The following LRRC1 variants were observed in gnomAD, a reference collection of about 807,000 sequenced individuals.
The protein encoded by LRRC1 is leucine rich repeat containing 1.
A neutral mutation model predicts 69.9 loss-of-function variants in LRRC1; 28 were observed. That is an observed-to-expected ratio of 0.40 (90% CI 0.30 to 0.55). LRRC1 has a LOEUF of 0.55. Among genes scored for constraint, LRRC1 ranks in the 20% least tolerant of loss-of-function variants. The pLI is 0.47. For missense variants in LRRC1, 498 were observed against 609.0 expected (o/e 0.82, Z 1.92); for synonymous variants, 236 against 240.2 (o/e 0.98, Z 0.16).
At chr6:53,915,742 G>T (rs1768544407) in intron 11 of LRRC1, among the ~76,000 whole-genome samples, 2 of 152,176 alleles carry the variant, frequency 1.3e-5, no homozygotes, top group Non-Finnish European at 2.9e-5. Context: ...TTACATAGCT[G>T]TCATTTGAGT....
At chr6:53,910,305 C>T (rs79431058) in intron 10 of LRRC1, among the ~76,000 whole-genome samples, 4,314 of 152,182 alleles carry the variant, frequency 0.028, 90 homozygotes, top group Non-Finnish European at 0.043. Flanking sequence ...GTTATTTAAA[C>T]AGTGACTCTG....
At chr6:53,814,068 C>G (rs1170839797) in intron 1 of LRRC1, among the ~76,000 whole-genome samples, 1 of 152,154 alleles carries the variant, frequency 6.6e-6, no homozygotes, top group Non-Finnish European at 1.5e-5. Context: ...TTATTTACAG[C>G]ATTTTCTTCT....
chr6:53,810,846 A>G (rs1394837880), intron 1 of LRRC1, among the ~76,000 whole-genome samples: 1 of 152,114 alleles, frequency 6.6e-6, no homozygotes, highest in East Asian at 1.9e-4. Context: ...TCAGAATGCT[A>G]TTCTCCAATG....
rs1562065177 is a variant in LRRC1 at position 53,897,324 on chromosome 6, T to G, written c.607T>G (p.Trp203Gly). The change falls in exon 7 of 14, where the codon TGG becomes GGG. Residue 203 changes from tryptophan to glycine, a missense_variant. By Grantham distance (184) the Trp-to-Gly change is radical (BLOSUM62 -2). Transcript: ENST00000370888. ...AGCCCTCTTACATCTAAAAGATCTC[T>G]GGTTGGATGGAAATCAACTGTCAGA... ...IGALLHLKDL[W>G]LDGNQLSELP... 6.2e-7 allele frequency: 1 copy of G among 1,613,022 alleles called. No homozygotes were observed. Among genetic ancestry groups the G allele is most frequent in the Admixed American group, 1.7e-5 (1 of 60,004 alleles).
At chr6:53,812,412 C>T (rs928078891) in intron 1 of LRRC1, among the ~76,000 whole-genome samples, 53 of 152,016 alleles carry the variant, frequency 3.5e-4, no homozygotes, top group African/African-American at 4.8e-4. Flanking sequence ...AGAAAGAGGC[C>T]GGGCGCGGTG....
chr6:53,839,718 T>G (rs972038488), intron 1 of LRRC1, among the ~76,000 whole-genome samples: 1 of 152,208 alleles, frequency 6.6e-6, no homozygotes, highest in Non-Finnish European at 1.5e-5. Context: ...GTTTTACCAA[T>G]ATAGATATTA....
At chr6:53,917,342 A>C in intron 11 of LRRC1, among the ~76,000 whole-genome samples, 1 of 152,184 alleles carries the variant, frequency 6.6e-6, no homozygotes, top group East Asian at 1.9e-4. Flanking sequence ...GTGTGGACTC[A>C]GTCAGCAGCA....
intron 1 of LRRC1, among the ~76,000 whole-genome samples, chr6:53,833,969 A>G (rs1765536561): frequency 6.6e-6 from 1 of 152,206 alleles, no homozygotes; most frequent in African/African-American, 2.4e-5. Flanking sequence ...ATTGTTCAGC[A>G]TTAGTAAAAT....
chr6:53,904,419 A>C lies in LRRC1; in HGVS notation c.947A>C (p.Asn316Thr). The part of the protein sequence containing the change: ...KSIGKLKKLS[N>T]LNADRNKLVS... ...ATTGGAAAACTAAAGAAGTTGAGCA[A>C]CTTGAATGCAGACAGAAATAAATTA... Residue 316 changes from asparagine (N) to threonine (T), a missense_variant, in exon 10 of 14, where the codon AAC becomes ACC. By Grantham distance (65) the Asn-to-Thr change is moderately conservative (BLOSUM62 0). Around this residue, in one of 3 missense-constraint regions of LRRC1, gnomAD observed 266 missense variants for 383.9 expected, o/e 0.69. Transcript: ENST00000370888. 1 of 1,612,372 alleles carries C rather than the reference A, an allele frequency of 6.2e-7. No homozygotes were observed. The highest frequency in any genetic ancestry group is 1.1e-5 in the South Asian group (1 of 90,494).
chr6:53,864,299 T>G (rs1379119705), intron 2 of LRRC1, among the ~76,000 whole-genome samples: 1 of 152,126 alleles, frequency 6.6e-6, no homozygotes, highest in Non-Finnish European at 1.5e-5. Context: ...ACTTGCTTCC[T>G]CTCTCCCCAC....
intron 2 of LRRC1, among the ~76,000 whole-genome samples, chr6:53,863,730 G>A (rs1380090690): frequency 6.6e-6 from 1 of 152,062 alleles, no homozygotes; most frequent in East Asian, 1.9e-4. Context: ...TCTCAGATGT[G>A]GAGATTTAAC....
intron 1 of LRRC1, among the ~76,000 whole-genome samples, chr6:53,798,611 C>T (rs1005787988): frequency 2.6e-5 from 4 of 152,204 alleles, no homozygotes; most frequent in Admixed American, 6.5e-5. Flanking sequence ...GATCTCCTGA[C>T]CTCATGACCC....
chr6:53,844,955 G>A (rs879912199), intron 2 of LRRC1, among the ~76,000 whole-genome samples: 4 of 152,056 alleles, frequency 2.6e-5, no homozygotes, highest in South Asian at 4.2e-4. Context: ...CTGTAATCCC[G>A]GCACTTTGGG....
At chr6:53,860,174 A>G (rs1323643731) in intron 2 of LRRC1, among the ~76,000 whole-genome samples, 1 of 152,228 alleles carries the variant, frequency 6.6e-6, no homozygotes, top group Non-Finnish European at 1.5e-5. Context: ...AATTTTCTAT[A>G]ATTTGTAAGA....
chr6:53,866,817 A>G (rs914611086), intron 2 of LRRC1, among the ~76,000 whole-genome samples: 2 of 152,158 alleles, frequency 1.3e-5, no homozygotes, highest in South Asian at 2.1e-4. Flanking sequence ...TTTTTAAATT[A>G]TGTATCTTGA....
At chr6:53,797,170 T>C (rs1764326216) in intron 1 of LRRC1, among the ~76,000 whole-genome samples, 1 of 151,498 alleles carries the variant, frequency 6.6e-6, no homozygotes, top group African/African-American at 2.4e-5. Context: ...TAATTTCCCA[T>C]GCCAAGCCGA....
intron 1 of LRRC1, among the ~76,000 whole-genome samples, chr6:53,830,272 T>C (rs1364406124): frequency 6.6e-6 from 1 of 152,258 alleles, no homozygotes; most frequent in Non-Finnish European, 1.5e-5. Context: ...GAAGTGGCTC[T>C]GAAGGAGCTT....
intron 1 of LRRC1, among the ~76,000 whole-genome samples, chr6:53,806,033 G>A (rs1056027364): frequency 5.3e-5 from 8 of 152,136 alleles, no homozygotes; most frequent in Admixed American, 6.5e-5. Flanking sequence ...TTGTAGTTCC[G>A]CCTGTGGTGA....
chr6:53,907,735 AT>A (rs113795810), intron 10 of LRRC1, among the ~76,000 whole-genome samples: 6,775 of 119,544 alleles, frequency 0.057, 275 homozygotes, highest in East Asian at 0.33. Flanking sequence ...TTCTAAATTC[AT>A]TTTTTTTTTT....
Sources: allele counts gnomAD v4.1 joint callset (sites outside exome capture counted in the v4.1 genomes callset), GRCh38; gene constraint gnomAD v4.1.1; regional missense constraint gnomAD v4.1.1; transcripts MANE v1.5; gene names NCBI Gene and HGNC (gene_info 2026-07-23, HGNC 2026-07-21).